The following ANO4 variants were observed in gnomAD, a reference collection of about 807,000 sequenced individuals.
ANO4 encodes anoctamin-4.
ANO4 carries 69 observed loss-of-function variants against 141.9 expected under a neutral mutation model. The ratio of observed to expected loss-of-function variants is 0.49; its 90% confidence interval spans 0.40 to 0.59. ANO4 has a LOEUF of 0.59. ANO4 is among the 20% of genes least tolerant of loss of function. The pLI is 0.00. For synonymous variants in ANO4, 350 were observed against 394.3 expected, an observed-to-expected ratio of 0.89 and a Z score of 1.33; for missense variants, 894 against 1,162.2, an observed-to-expected ratio of 0.77 and a Z score of 3.36.
chr12:100,952,753 A>C (rs984129849), intron 5 of ANO4, among the ~76,000 whole-genome samples: 2 of 151,798 alleles, frequency 1.3e-5, no homozygotes, highest in Admixed American at 1.3e-4. Flanking sequence ...CCTTAGTCTT[A>C]CTCTAATTTC....
intron 5 of ANO4, among the ~76,000 whole-genome samples, chr12:100,945,011 G>A (rs931575393): frequency 1.3e-5 from 2 of 152,064 alleles, no homozygotes; most frequent in African/African-American, 4.8e-5. Flanking sequence ...ACCTTTTATA[G>A]GACATAAAAT....
At chr12:100,853,050 A>G (rs1466191048) in intron 1 of ANO4, among the ~76,000 whole-genome samples, 1 of 152,188 alleles carries the variant, frequency 6.6e-6, no homozygotes, top group Non-Finnish European at 1.5e-5. Flanking sequence ...TGACTAATGA[A>G]GTAGAGGACC....
At chr12:100,770,768 G>A (rs1469223862) in intron 3 of ANO4, among the ~76,000 whole-genome samples, 3 of 149,518 alleles carry the variant, frequency 2.0e-5, no homozygotes, top group African/African-American at 5.0e-5. Flanking sequence ...GAGTGGAAGA[G>A]GCCTTGGCTT....
chr12:101,000,288 T>C (rs922341377), intron 8 of ANO4, among the ~76,000 whole-genome samples: 1 of 152,222 alleles, frequency 6.6e-6, no homozygotes, highest in Non-Finnish European at 1.5e-5. Context: ...AGCCAAATGT[T>C]ACTCAGTGTT....
At chr12:100,950,181 T>C (rs2042912894) in intron 5 of ANO4, among the ~76,000 whole-genome samples, 1 of 152,120 alleles carries the variant, frequency 6.6e-6, no homozygotes. Flanking sequence ...GTCAGGACTA[T>C]GTGCACTACC....
chr12:101,025,341 G>A (rs948323810), intron 9 of ANO4, among the ~76,000 whole-genome samples: 3 of 152,210 alleles, frequency 2.0e-5, no homozygotes, highest in African/African-American at 7.2e-5. Context: ...AAGTGAGAAT[G>A]TAGGCAGGAC....
chr12:101,068,164 T>A, intron 14 of ANO4: 1 of 1,009,364 alleles, frequency 9.9e-7, no homozygotes, highest in Non-Finnish European at 1.3e-6. Flanking sequence ...AGGAGTTGAC[T>A]TTTAAATAGC....
At chr12:100,838,229 CAAAA>C (rs11331726) in intron 1 of ANO4, among the ~76,000 whole-genome samples, 3 of 84,236 alleles carry the variant, frequency 3.6e-5, no homozygotes. Flanking sequence ...GACTCCGTCT[CAAAA>C]AAAAAAAAAA....
intron 14 of ANO4, among the ~76,000 whole-genome samples, chr12:101,074,425 A>G (rs585497): frequency 0.19 from 28,657 of 152,212 alleles, 3,545 homozygotes; most frequent in East Asian, 0.53. Flanking sequence ...TAAGAAGTCA[A>G]CAGGCAAGTA....
At chr12:100,812,790 C>T (rs7956222) in intron 1 of ANO4, among the ~76,000 whole-genome samples, 130,703 of 152,194 alleles carry the variant, frequency 0.86, 56,189 homozygotes, top group Admixed American at 0.9. Context: ...CATTGTGTTT[C>T]GTTATGAAAA....
intron 23 of ANO4, 53 bp from the exon 24 acceptor site, chr12:101,111,510 A>G: frequency 2.1e-6 from 3 of 1,415,928 alleles, no homozygotes; most frequent in Non-Finnish European, 2.8e-6. Context: ...TTTTTTCATA[A>G]TTATCACCTC....
chr12:100,888,489 A>G (rs1287310320), intron 1 of ANO4, among the ~76,000 whole-genome samples: 1 of 152,268 alleles, frequency 6.6e-6, no homozygotes, highest in Non-Finnish European at 1.5e-5. Context: ...ACCCAATAGG[A>G]GTAGACCTTG....
At chr12:101,113,581 T>C (rs1202941602) in intron 24 of ANO4, among the ~76,000 whole-genome samples, 1 of 152,214 alleles carries the variant, frequency 6.6e-6, no homozygotes, top group Non-Finnish European at 1.5e-5. Flanking sequence ...GTTAAATTTA[T>C]GTATGTTTCT....
intron 3 of ANO4, among the ~76,000 whole-genome samples, chr12:100,748,683 G>C (rs2032225274): frequency 6.6e-6 from 1 of 152,106 alleles, no homozygotes; most frequent in Non-Finnish European, 1.5e-5. Flanking sequence ...TGGCATAGTT[G>C]AATTAGTATC....
rs1433234975 is a variant in ANO4, at chr12:101,096,639, C to T, written c.1842C>T (p.Phe614=). ...GCTCCACATTTTACATCGCATTCTT[C>T]CTCGGAAGGTAAGAACCTGACCCCT... ...LNSSTFYIAF[F]LGRFTGHPGA... Residue 614 remains phenylalanine, a synonymous_variant, in exon 19 of 28, where the codon TTC becomes TTT. Coordinates refer to ENST00000392977, the MANE Select transcript of ANO4 (RefSeq NM_001286615.2). The T allele has an allele frequency of 3.7e-6, 6 of 1,612,620 alleles. No individual in the cohort carries two copies. Among genetic ancestry groups the T allele is most frequent in the Non-Finnish European group, 5.1e-6 (6 of 1,179,044 alleles).
rs200597503 is a variant in ANO4 at position 100,827,703 on chromosome 12, GATA to G, written c.-141+32681_-141+32683del. On this transcript the variant is annotated intron_variant, in intron 1 of 27. Coordinates refer to ENST00000392977, the MANE Select transcript of ANO4 (RefSeq NM_001286615.2). ...AATCATTTATCAGATTATTATTTTA[GATA>G]ATAAAAGCATTTTTAGCATTGCTTG... Among the ~76,000 whole-genome samples the G allele has an allele frequency of 5.3e-3, 800 of 152,000 alleles. 12 individuals carry two copies. Among genetic ancestry groups the G allele is most frequent in the African/African-American group, 0.018 (765 of 41,484 alleles).
At chr12:100,918,326 C>CA (rs1288903747) in intron 2 of ANO4, among the ~76,000 whole-genome samples, 1 of 151,742 alleles carries the variant, frequency 6.6e-6, no homozygotes, top group Non-Finnish European at 1.5e-5. Flanking sequence ...GACTTTCTCT[C>CA]AAAAAAATAT....
chr12:100,838,962 G>C (rs1246854395), intron 1 of ANO4, among the ~76,000 whole-genome samples: 1 of 152,098 alleles, frequency 6.6e-6, no homozygotes, highest in African/African-American at 2.4e-5. Context: ...ACAGAAGGGA[G>C]ACTAAAAGCA....
At chr12:100,792,565 A>AT (rs1040184084), upstream of ANO4, among the ~76,000 whole-genome samples, 99 of 152,284 alleles carry the variant, frequency 6.5e-4, no homozygotes, top group African/African-American at 2.3e-3. Context: ...ATTTTCTGTC[A>AT]TTTTTTTAGT....
Sources: gnomAD v4.1 joint callset for allele counts (sites outside exome capture counted in the v4.1 genomes callset) on GRCh38, gnomAD v4.1.1 for gene constraint, MANE v1.5 for transcripts, NCBI Gene and HGNC (gene_info 2026-07-23, HGNC 2026-07-21) for gene names.